SYT1: variants seen among roughly 807,000 people sequenced by gnomAD.
SYT1 encodes the protein synaptotagmin-1.
SYT1 carries 8 observed loss-of-function variants against 44.8 expected under a neutral mutation model. The observed-to-expected ratio is 0.18, with a 90% CI of 0.10 to 0.32. The LOEUF (loss-of-function observed/expected upper bound fraction) is 0.32, where lower values mean the gene tolerates loss of function less well. Among genes scored for constraint, SYT1 ranks in the 10% least tolerant of loss-of-function variants. The pLI, the probability that SYT1 is intolerant of heterozygous loss-of-function variation, is 1.00. For synonymous variants in SYT1, 154 were observed against 188.8 expected, an observed-to-expected ratio of 0.82 and a Z score of 1.51; for missense variants, 286 against 509.3, an observed-to-expected ratio of 0.56 and a Z score of 4.22.
intron 8 of SYT1, among the ~76,000 whole-genome samples, chr12:79,339,510 TG>T (rs1882261371): frequency 6.6e-6 from 1 of 152,190 alleles, no homozygotes; most frequent in African/African-American, 2.4e-5. Context: ...CACGTTTTGA[TG>T]GGGTCGTTTG....
chr12:79,304,898 A>T (rs932960838), intron 8 of SYT1, among the ~76,000 whole-genome samples: 1 of 152,118 alleles, frequency 6.6e-6, no homozygotes, highest in South Asian at 2.1e-4. Flanking sequence ...GACTTGGAAC[A>T]TATTGATTTC....
chr12:79,049,472 CTCT>C (rs1170028847), intron 3 of SYT1, among the ~76,000 whole-genome samples: 1 of 151,318 alleles, frequency 6.6e-6, no homozygotes, highest in South Asian at 2.1e-4. Flanking sequence ...CAAAAAAAGA[CTCT>C]TCTTATTATA....
At chr12:78,905,589 A>C (rs1225892819) in intron 1 of SYT1, among the ~76,000 whole-genome samples, 1 of 152,086 alleles carries the variant, frequency 6.6e-6, no homozygotes. Context: ...TAAACCATCT[A>C]TTCTTCTCCC....
intron 2 of SYT1, among the ~76,000 whole-genome samples, chr12:79,018,948 A>G (rs370538530): frequency 1.3e-5 from 2 of 152,036 alleles, no homozygotes; most frequent in South Asian, 2.1e-4. Context: ...ATGAAATAGT[A>G]TAAGTAAGGT....
intron 1 of SYT1, chr12:78,977,425 G>A (rs931028742): frequency 1.3e-5 from 2 of 152,204 alleles, no homozygotes; most frequent in Non-Finnish European, 2.9e-5. Flanking sequence ...GCAAAACAAA[G>A]TGTGAATTGC....
intron 8 of SYT1, among the ~76,000 whole-genome samples, chr12:79,345,127 A>T (rs1882550516): frequency 6.6e-6 from 1 of 152,088 alleles, no homozygotes; most frequent in South Asian, 2.1e-4. Context: ...CCTCCAGGAC[A>T]CCTATATGTC....
chr12:78,898,184 C>G (rs1875466391), intron 1 of SYT1, among the ~76,000 whole-genome samples: 1 of 151,996 alleles, frequency 6.6e-6, no homozygotes, highest in Non-Finnish European at 1.5e-5. Flanking sequence ...TTTGTCTTAT[C>G]TGTAAAATTG....
At position 78,897,349 on chromosome 12, in the gene SYT1, C is replaced by G. The variant is rs545157510; in HGVS notation, c.-217+32240C>G. Among the ~76,000 whole-genome samples the G allele has an allele frequency of 2.0e-5, 3 of 151,812 alleles. No individual in the cohort carries two copies. In the South Asian group the frequency reaches 6.2e-4, roughly 31 times the overall value. On this transcript the variant is annotated intron_variant, in intron 1 of 10. Coordinates refer to ENST00000261205, the MANE Select transcript of SYT1 (RefSeq NM_005639.3). ...AAAGATACAGACATGGGAATATTAC[C>G]CAGTAAACTATCCTTGTAGGATTAA...
intron 1 of SYT1, among the ~76,000 whole-genome samples, chr12:78,889,811 A>G (rs1032217922): frequency 3.3e-5 from 5 of 151,966 alleles, no homozygotes; most frequent in African/African-American, 1.2e-4. Flanking sequence ...AACCTTAAAT[A>G]TTCTTCAAGG....
intron 4 of SYT1, among the ~76,000 whole-genome samples, chr12:79,281,433 CAG>C (rs1879048840): frequency 6.6e-6 from 1 of 152,080 alleles, no homozygotes; most frequent in Non-Finnish European, 1.5e-5. Context: ...AACTCAGAAA[CAG>C]AAAACCAAAA....
At chr12:79,382,793 C>A (rs1430602314) in intron 9 of SYT1, among the ~76,000 whole-genome samples, 1 of 152,152 alleles carries the variant, frequency 6.6e-6, no homozygotes, top group African/African-American at 2.4e-5. Flanking sequence ...AGTAGAGATT[C>A]TTGGATTGTG....
rs1884248450 is a variant in SYT1 at position 79,382,126 on chromosome 12, GATGA to G, written c.928+28509_928+28512del. ...CACCCCTGGTTAAAGAAACGCTACAGATGAAAATGACACAGTGATTCTCAGTCGT... is the reference window on the plus strand; with the variant it reads ...CACCCCTGGTTAAAGAAACGCTACAGAAATGACACAGTGATTCTCAGTCGT... On this transcript the variant is annotated intron_variant, in intron 9 of 10. Transcript: ENST00000261205. 3.3e-5 allele frequency among the ~76,000 whole-genome samples: 5 copies of G among 152,176 alleles called. No individual in the cohort carries two copies. The South Asian group carries it at 1.0e-3, about 31-fold the overall frequency.
At chr12:79,142,389 T>C (rs941294340) in intron 3 of SYT1, among the ~76,000 whole-genome samples, 1 of 152,248 alleles carries the variant, frequency 6.6e-6, no homozygotes, top group Non-Finnish European at 1.5e-5. Context: ...TGGAGCTTAA[T>C]ATATTTGTGT....
At chr12:78,909,650 T>C (rs929637659) in intron 1 of SYT1, among the ~76,000 whole-genome samples, 5 of 151,966 alleles carry the variant, frequency 3.3e-5, no homozygotes, top group African/African-American at 1.2e-4. Context: ...GATAAAGATT[T>C]TGTCCTCATT....
intron 3 of SYT1, among the ~76,000 whole-genome samples, chr12:79,183,174 G>C (rs1240205347): frequency 1.3e-5 from 2 of 151,986 alleles, no homozygotes; most frequent in Non-Finnish European, 2.9e-5. Flanking sequence ...CCATCTGAAT[G>C]AATTAAACTG....
At chr12:79,371,302 T>C (rs767500541) in intron 9 of SYT1, among the ~76,000 whole-genome samples, 1 of 152,174 alleles carries the variant, frequency 6.6e-6, no homozygotes, top group Non-Finnish European at 1.5e-5. Context: ...ACACTGTAAT[T>C]TCAATTGGCC....
intron 3 of SYT1, among the ~76,000 whole-genome samples, chr12:79,154,502 A>T (rs1320544988): frequency 6.6e-6 from 1 of 152,006 alleles, no homozygotes. Context: ...TAGATTAGGA[A>T]GCAGTCTGAC....
chr12:79,410,165 C>T (rs1298907009), intron 9 of SYT1, among the ~76,000 whole-genome samples: 1 of 152,092 alleles, frequency 6.6e-6, no homozygotes, highest in Non-Finnish European at 1.5e-5. Context: ...ATGAAGAAAA[C>T]TGAGAGAATA....
At position 79,011,420 on chromosome 12, in the gene SYT1, A is replaced by G. The variant is rs149661749; in HGVS notation, c.-84+33489A>G. Among the ~76,000 whole-genome samples, 12 of 152,256 alleles carry G rather than the reference A, an allele frequency of 7.9e-5. No individual in the cohort carries two copies. The East Asian group carries it at 1.9e-3, about 25-fold the overall frequency. ...ATGCAAATTTATAGTAGGGCATTCC[A>G]TCTAGTCAAGAAGGAAATAACATTT... On this transcript the variant is annotated intron_variant, in intron 2 of 10. Coordinates refer to ENST00000261205, the MANE Select transcript of SYT1 (RefSeq NM_005639.3).
Sources: allele counts gnomAD v4.1 joint callset (sites outside exome capture counted in the v4.1 genomes callset), GRCh38; gene constraint gnomAD v4.1.1; transcripts MANE v1.5; gene names NCBI Gene and HGNC (gene_info 2026-07-23, HGNC 2026-07-21).